CSMD3: variants seen among roughly 807,000 people sequenced by gnomAD.
CSMD3 encodes the protein CUB and Sushi multiple domains 3.
In CSMD3, 177 loss-of-function variants were observed where a neutral mutation model predicts 435.2. The observed-to-expected ratio is 0.41, with a 90% CI of 0.36 to 0.46. CSMD3 has a LOEUF of 0.46. Ranked by LOEUF, CSMD3 falls within the 20% of genes least tolerant of loss-of-function variation. The pLI is 0.34. For synonymous variants in CSMD3, 1,656 were observed against 1,520.5 expected (o/e 1.09, Z -2.07); for missense variants, 4,265 against 4,504.6 (o/e 0.95, Z 1.52).
chr8:112,250,617 A>T (rs1815175865), intron 63 of CSMD3, among the ~76,000 whole-genome samples: 2 of 151,662 alleles, frequency 1.3e-5, no homozygotes, highest in Admixed American at 1.3e-4. Context: ...GTAGAAAAAT[A>T]GGCAACAACA....
intron 27 of CSMD3, among the ~76,000 whole-genome samples, chr8:112,537,030 G>A (rs542593367): frequency 2.0e-5 from 3 of 152,090 alleles, no homozygotes; most frequent in South Asian, 2.1e-4. Context: ...GGGGTAGGGG[G>A]AAGGGGGAGG....
intron 4 of CSMD3, among the ~76,000 whole-genome samples, chr8:113,100,373 T>G (rs1394271): frequency 0.67 from 102,128 of 151,926 alleles, 35,943 homozygotes; most frequent in East Asian, 0.95. Context: ...CTTCTAGTAA[T>G]CCTGTCCTGC....
chr8:112,369,486 G>A (rs367821338), intron 38 of CSMD3, among the ~76,000 whole-genome samples: 11 of 152,048 alleles, frequency 7.2e-5, no homozygotes, highest in Admixed American at 1.3e-4. Context: ...TAATAGACTG[G>A]ATAAAGAAAA....
At chr8:113,253,822 A>G (rs2132314230) in intron 3 of CSMD3, among the ~76,000 whole-genome samples, 1 of 150,934 alleles carries the variant, frequency 6.6e-6, no homozygotes, top group African/African-American at 2.4e-5. Flanking sequence ...CTGGTGACAG[A>G]GTGAGACTCC....
At chr8:113,206,084 GT>G (rs1365929053) in intron 3 of CSMD3, among the ~76,000 whole-genome samples, 1 of 152,084 alleles carries the variant, frequency 6.6e-6, no homozygotes. Flanking sequence ...CTGGTAAGTT[GT>G]AATGGATGGA....
intron 4 of CSMD3, among the ~76,000 whole-genome samples, chr8:113,125,719 G>C (rs1016387937): frequency 6.6e-6 from 1 of 151,974 alleles, no homozygotes; most frequent in East Asian, 1.9e-4. Flanking sequence ...TAAAGACAAA[G>C]ACTGAGCATT....
intron 70 of CSMD3, among the ~76,000 whole-genome samples, chr8:112,225,257 T>C (rs1440464149): frequency 6.6e-6 from 1 of 152,078 alleles, no homozygotes; most frequent in Non-Finnish European, 1.5e-5. Flanking sequence ...ATAATGATGA[T>C]GGATTTAAGT....
At chr8:113,269,210 T>C (rs181423482) in intron 3 of CSMD3, among the ~76,000 whole-genome samples, 49 of 152,270 alleles carry the variant, frequency 3.2e-4, no homozygotes, top group African/African-American at 1.2e-3. Flanking sequence ...CTATTCACAT[T>C]TGCTTCAAAG....
intron 69 of CSMD3, 81 bp from the exon 70 acceptor site, chr8:112,228,972 T>G: frequency 1.2e-6 from 1 of 805,506 alleles, no homozygotes. Flanking sequence ...ATTAATTTCT[T>G]CTATTCTCAA....
intron 7 of CSMD3, among the ~76,000 whole-genome samples, chr8:112,970,725 CTT>C (rs761315288): frequency 2.0e-4 from 28 of 138,592 alleles, no homozygotes; most frequent in Admixed American, 2.9e-4. Flanking sequence ...GCTTTCTTTT[CTT>C]TTTTTTTTTT....
chr8:112,904,758 G>A (rs1404494266), intron 10 of CSMD3, among the ~76,000 whole-genome samples: 1 of 151,288 alleles, frequency 6.6e-6, no homozygotes, highest in Non-Finnish European at 1.5e-5. Flanking sequence ...TGATAGAATT[G>A]CCCTAGATTT....
At chr8:112,654,784 G>A (rs1000541278) in intron 18 of CSMD3, among the ~76,000 whole-genome samples, 6 of 152,134 alleles carry the variant, frequency 3.9e-5, no homozygotes, top group Non-Finnish European at 7.4e-5. Flanking sequence ...CATACCTTGG[G>A]TGGAATGGGA....
chr8:112,313,299 C>T (rs1324958495), intron 49 of CSMD3, among the ~76,000 whole-genome samples: 4 of 152,002 alleles, frequency 2.6e-5, no homozygotes, highest in East Asian at 3.9e-4. Context: ...AAAACGCTTC[C>T]GTTTTTAAAA....
intron 1 of CSMD3, among the ~76,000 whole-genome samples, chr8:113,346,778 A>G (rs1396558017): frequency 1.3e-5 from 2 of 152,186 alleles, no homozygotes; most frequent in Non-Finnish European, 2.9e-5. Context: ...ATGACCATGA[A>G]TAATGCTTTA....
At position 112,592,806 on chromosome 8, in the gene CSMD3, G is replaced by A. The variant is rs779588418; in HGVS notation, c.3716-5571C>T. Among the ~76,000 whole-genome samples the A allele has an allele frequency of 6.6e-5, 10 of 152,122 alleles. 1 individual carries two copies. The highest frequency in any genetic ancestry group is 3.4e-3 in the Middle Eastern group (1 of 294). On this transcript the variant is annotated intron_variant, in intron 22 of 70. Transcript: ENST00000297405. ...AATAACTATGGATATGCCTGATACCGTATTAGGTCTTGGGGATAGGTCCTC... is the reference window on the plus strand; with the variant it reads ...AATAACTATGGATATGCCTGATACCATATTAGGTCTTGGGGATAGGTCCTC...
intron 12 of CSMD3, among the ~76,000 whole-genome samples, chr8:112,808,554 A>G (rs779849615): frequency 3.3e-5 from 5 of 152,034 alleles, no homozygotes; most frequent in Non-Finnish European, 5.9e-5. Context: ...AGTTTCCAGG[A>G]ATTTGCCCAG....
chr8:112,991,047 T>C (rs912588212), intron 6 of CSMD3, among the ~76,000 whole-genome samples: 25 of 151,844 alleles, frequency 1.6e-4, no homozygotes, highest in Admixed American at 1.5e-3. Context: ...TTTTAACCCA[T>C]AATAATTATC....
intron 3 of CSMD3, among the ~76,000 whole-genome samples, chr8:113,193,972 C>T (rs191779343): frequency 2.1e-4 from 32 of 151,306 alleles, no homozygotes; most frequent in Admixed American, 2.0e-3. Flanking sequence ...AGTGTACACA[C>T]TATGTGTCTA....
intron 10 of CSMD3, among the ~76,000 whole-genome samples, chr8:112,910,492 T>C (rs996088589): frequency 2.0e-5 from 3 of 151,796 alleles, no homozygotes; most frequent in Non-Finnish European, 4.4e-5. Flanking sequence ...GGCTCCTTCC[T>C]CAGGGTCTTT....
Sources: allele counts gnomAD v4.1 joint callset (sites outside exome capture counted in the v4.1 genomes callset), GRCh38; gene constraint gnomAD v4.1.1; transcripts MANE v1.5; gene names NCBI Gene and HGNC (gene_info 2026-07-23, HGNC 2026-07-21).